The following LINGO2 variants were observed in gnomAD, a reference collection of about 807,000 sequenced individuals.
LINGO2 encodes leucine-rich repeat and immunoglobulin-like domain-containing nogo receptor-interacting protein 2.
LINGO2 carries 14 observed loss-of-function variants against 30.6 expected under a neutral mutation model. That is an observed-to-expected ratio of 0.46 (90% CI 0.30 to 0.72). LINGO2 has a LOEUF of 0.72. Among genes scored for constraint, LINGO2 ranks in the 30% least tolerant of loss-of-function variants. LINGO2 has a pLI of 0.07. For synonymous variants in LINGO2, 317 were observed against 288.5 expected, an observed-to-expected ratio of 1.10 and a Z score of -1.00; for missense variants, 729 against 751.7, an observed-to-expected ratio of 0.97 and a Z score of 0.35.
chr9:28,486,858 T>C (rs1379965469), intron 1 of LINGO2, among the ~76,000 whole-genome samples: 2 of 152,082 alleles, frequency 1.3e-5, no homozygotes, highest in Non-Finnish European at 1.5e-5. Flanking sequence ...TTATAGGACA[T>C]ACAGCCAGAC....
chr9:28,361,954 C>T (rs1216052985), intron 3 of LINGO2, among the ~76,000 whole-genome samples: 1 of 152,172 alleles, frequency 6.6e-6, no homozygotes, highest in African/African-American at 2.4e-5. Context: ...GAAAGCCAGA[C>T]TCATTTACAT....
chr9:27,997,981 C>A (rs912538430), intron 5 of LINGO2, among the ~76,000 whole-genome samples: 17 of 151,986 alleles, frequency 1.1e-4, no homozygotes, highest in African/African-American at 3.9e-4. Context: ...AGGTGGACAC[C>A]AGTCTGAATT....
the LINGO2 span, among the ~76,000 whole-genome samples, chr9:29,043,620 G>A: frequency 6.6e-6 from 1 of 151,974 alleles, no homozygotes; most frequent in African/African-American, 2.4e-5. Context: ...GTGCCTGCCT[G>A]CCACTTATGA....
At chr9:28,949,267 C>G in the LINGO2 span, among the ~76,000 whole-genome samples, 1 of 151,952 alleles carries the variant, frequency 6.6e-6, no homozygotes, top group East Asian at 1.9e-4. Context: ...CAGACCAGAA[C>G]TGAAGGAGAT....
At chr9:28,917,839 A>G in the LINGO2 span, among the ~76,000 whole-genome samples, 259 of 152,100 alleles carry the variant, frequency 1.7e-3, 2 homozygotes, top group Non-Finnish European at 2.6e-4. Flanking sequence ...TCAAGGTGCA[A>G]ATGTATTCTT....
chr9:28,391,254 A>AT (rs1296431019), intron 2 of LINGO2, among the ~76,000 whole-genome samples: 2 of 152,242 alleles, frequency 1.3e-5, no homozygotes, highest in African/African-American at 4.8e-5. Flanking sequence ...TATTTTCATC[A>AT]TCAGAGAGTT....
At chr9:28,034,467 A>T (rs1252531809) in intron 4 of LINGO2, among the ~76,000 whole-genome samples, 1 of 152,204 alleles carries the variant, frequency 6.6e-6, no homozygotes, top group African/African-American at 2.4e-5. Context: ...TATTCTAGTT[A>T]GGAAAGCTCA....
chr9:28,007,371 G>A (rs957318300), intron 5 of LINGO2, among the ~76,000 whole-genome samples: 3 of 151,984 alleles, frequency 2.0e-5, no homozygotes, highest in Non-Finnish European at 2.9e-5. Flanking sequence ...AAAGCGCTAC[G>A]CATGATGAAA....
At chr9:29,190,279 A>C in the LINGO2 span, among the ~76,000 whole-genome samples, 2 of 152,184 alleles carry the variant, frequency 1.3e-5, no homozygotes, top group African/African-American at 4.8e-5. Flanking sequence ...TAAAGTGTAC[A>C]AAATATATGA....
chr9:28,749,599 T>TA, the LINGO2 span, among the ~76,000 whole-genome samples: 7,463 of 151,872 alleles, frequency 0.049, 281 homozygotes, highest in East Asian at 0.17. Context: ...TCAGCATTTA[T>TA]AAAAAAAATT....
Position 28,110,842 on chromosome 9 carries a change from T to A in LINGO2, c.-86-98437A>T, listed in dbSNP as rs527557147. ...AGACAGTATGGCGATTCCTCAAGGATCTAGAAGCAGAAATACCATTTGACC... is the reference window on the plus strand; with the variant it reads ...AGACAGTATGGCGATTCCTCAAGGAACTAGAAGCAGAAATACCATTTGACC... On this transcript the variant is annotated intron_variant, in intron 4 of 5. Transcript: ENST00000379992. Among the ~76,000 whole-genome samples, 3 of 152,236 alleles carry A rather than the reference T, an allele frequency of 2.0e-5. No homozygotes were observed. In the South Asian group the frequency reaches 6.2e-4, roughly 32 times the overall value.
chr9:28,462,476 T>G lies in LINGO2; in HGVS notation c.-279+13464A>C, dbSNP rs77109123. On this transcript the variant is annotated intron_variant, in intron 2 of 5. Coordinates refer to ENST00000379992, the Ensembl canonical transcript of LINGO2. ...TTGCAATTTGCAATGACATCTCACTTTTGAAAGGGATCAAGCACACTTGGT... is the reference window on the plus strand; with the variant it reads ...TTGCAATTTGCAATGACATCTCACTGTTGAAAGGGATCAAGCACACTTGGT... Among the ~76,000 whole-genome samples the G allele has an allele frequency of 3.2e-3, 492 of 151,504 alleles. 13 individuals carry two copies. The East Asian group carries it at 0.082, about 25-fold the overall frequency.
At chr9:28,118,774 C>G (rs181936991) in intron 4 of LINGO2, among the ~76,000 whole-genome samples, 8 of 152,196 alleles carry the variant, frequency 5.3e-5, no homozygotes, top group Admixed American at 1.3e-4. Context: ...TATTATCTTA[C>G]TAGTATATGA....
At chr9:28,022,881 T>TGTTTA in intron 4 of LINGO2, among the ~76,000 whole-genome samples, 1 of 150,772 alleles carries the variant, frequency 6.6e-6, no homozygotes, top group East Asian at 2.1e-4. Context: ...TGTTTTGTTT[T>TGTTTA]GTTTTTCAGT....
intron 2 of LINGO2, among the ~76,000 whole-genome samples, chr9:28,434,960 T>G (rs935609280): frequency 6.6e-6 from 1 of 152,134 alleles, no homozygotes; most frequent in African/African-American, 2.4e-5. Context: ...GCTCTCTCAA[T>G]CGACTATAAC....
At chr9:28,929,290 G>T in the LINGO2 span, among the ~76,000 whole-genome samples, 1 of 152,120 alleles carries the variant, frequency 6.6e-6, no homozygotes, top group African/African-American at 2.4e-5. Context: ...GGCTTTTGTT[G>T]TTCAAAAGCT....
At chr9:28,948,216 A>G in the LINGO2 span, among the ~76,000 whole-genome samples, 1 of 152,094 alleles carries the variant, frequency 6.6e-6, no homozygotes, top group Non-Finnish European at 1.5e-5. Flanking sequence ...GAGGACAGCA[A>G]TCAAGTTACA....
At chr9:28,397,249 C>G (rs112117419) in intron 2 of LINGO2, among the ~76,000 whole-genome samples, 2,615 of 151,836 alleles carry the variant, frequency 0.017, 84 homozygotes, top group African/African-American at 0.06. Flanking sequence ...CCTTCAATAT[C>G]TTCTTGGGAG....
chr9:28,347,334 G>C lies in LINGO2; in HGVS notation c.-246+25502C>G, dbSNP rs539724201. Among the ~76,000 whole-genome samples, 3 of 152,092 alleles carry C rather than the reference G, an allele frequency of 2.0e-5. No homozygotes were observed. In the South Asian group the frequency reaches 6.2e-4, roughly 32 times the overall value. On this transcript the variant is annotated intron_variant, in intron 3 of 5. Coordinates refer to ENST00000379992, the Ensembl canonical transcript of LINGO2. The stretch of plus-strand genomic sequence containing the variant: ...AAACACTAGCTAGACCCATTACAAC[G>C]GGCTCTCAGGAAAGTCATCTGAGTA...
Sources: gnomAD v4.1 joint callset for allele counts (sites outside exome capture counted in the v4.1 genomes callset) on GRCh38, gnomAD v4.1.1 for gene constraint, MANE v1.5 for transcripts, NCBI Gene and HGNC (gene_info 2026-07-23, HGNC 2026-07-21) for gene names.